Variants in TEX15 observed in about 807,000 individuals in gnomAD.
TEX15 encodes the protein testis expressed 15, meiosis and synapsis associated.
Under a neutral mutation model 237.3 loss-of-function variants are expected in TEX15, and 171 were observed. The observed-to-expected ratio is 0.72, with a 90% confidence interval of 0.64 to 0.82. The LOEUF (loss-of-function observed/expected upper bound fraction) is 0.82, where lower values mean the gene tolerates loss of function less well. Among genes scored for constraint, TEX15 ranks in the 40% least tolerant of loss-of-function variants. The probability of loss-of-function intolerance (pLI) is 0.00; values close to 1 mark genes in which losing one functional copy is unlikely to be tolerated. For synonymous variants in TEX15, 1,338 were observed against 1,269.8 expected, an observed-to-expected ratio of 1.05 and a Z score of -1.14; for missense variants, 3,750 against 3,646.5, an observed-to-expected ratio of 1.03 and a Z score of -0.73.
chr8:30,837,775 A>G lies in TEX15; in HGVS notation c.8509T>C (p.Cys2837Arg). Residue 2837 changes from cysteine to arginine, a missense_variant, in exon 10 of 11, where the codon TGT becomes CGT. Cys to Arg is a radical substitution (Grantham distance 180, BLOSUM62 -3). Coordinates refer to ENST00000643185, the MANE Select transcript of TEX15 (RefSeq NM_001350162.2). ...TGGTCACAAATTGCAAAAGCAGCACAATCTTTCTTATCACTTTTTGTTTCA... is the reference window on the plus strand; with the variant it reads ...TGGTCACAAATTGCAAAAGCAGCACGATCTTTCTTATCACTTTTTGTTTCA... ...AAETKSDKKDCAAFAICDQKS... is the reference protein window; with the variant it reads ...AAETKSDKKDRAAFAICDQKS... 1 of 1,614,198 alleles carries G rather than the reference A, an allele frequency of 6.2e-7. No homozygotes were observed.
rs1338653477 is a variant in TEX15, at chr8:30,832,597, ACATT to A, written c.*685_*688del. ...ATAAAGACTAACTGCATAAGCATAA[ACATT>A]ATTCTCTATTATTTGCTAGAAAATC... On this transcript the variant is annotated 3_prime_UTR_variant, in exon 11 of 11. Transcript: ENST00000643185. 1 of 152,242 alleles carries A rather than the reference ACATT, an allele frequency of 6.6e-6. No individual in the cohort carries two copies. Among genetic ancestry groups the A allele is most frequent in the Non-Finnish European group, 1.5e-5 (1 of 68,034 alleles). The allele number at this position is 152,242 out of a possible 1,614,324, so 9.4% of individuals were successfully genotyped here.
At chr8:30,880,438 G>A (rs938039076) in intron 3 of TEX15, among the ~76,000 whole-genome samples, 3 of 152,122 alleles carry the variant, frequency 2.0e-5, no homozygotes, top group African/African-American at 7.2e-5. Context: ...TGAACAGTGG[G>A]ACAACTTATA....
chr8:30,878,318 TTTTG>T (rs909236121), intron 3 of TEX15, among the ~76,000 whole-genome samples: 2 of 152,110 alleles, frequency 1.3e-5, no homozygotes, highest in African/African-American at 4.8e-5. Context: ...GAACATCATT[TTTTG>T]TTTGCCAGAG....
intron 2 of TEX15, among the ~76,000 whole-genome samples, chr8:30,890,369 G>A (rs1440863022): frequency 6.6e-6 from 1 of 152,076 alleles, no homozygotes; most frequent in African/African-American, 2.4e-5. Flanking sequence ...GTTATTATTA[G>A]GAGGAAATTA....
At chr8:30,888,423 C>T (rs1008140269) in intron 2 of TEX15, among the ~76,000 whole-genome samples, 1 of 152,074 alleles carries the variant, frequency 6.6e-6, no homozygotes, top group Non-Finnish European at 1.5e-5. Context: ...ATGCTTAAGA[C>T]AACATCAAAT....
At chr8:30,860,767 C>G (rs970216402) in intron 5 of TEX15, among the ~76,000 whole-genome samples, 1 of 151,818 alleles carries the variant, frequency 6.6e-6, no homozygotes, top group Non-Finnish European at 1.5e-5. Flanking sequence ...CCAGGCTGGG[C>G]TCGAATTCCT....
Position 30,848,357 on chromosome 8 carries a change from GA to G in TEX15, c.1809del (p.Pro604HisfsTer6). On this transcript the variant is annotated frameshift_variant, in exon 8 of 11. Transcript: ENST00000643185. LOFTEE classifies it high-confidence loss of function. ...YQTGCQTSTV[F>X]PLKKKVSIDE... ...TCAATGCTTACTTTCTTTTTGAGTGGAAAAACTGTAGACGTTTGGCAACCAG... is the reference window on the plus strand; with the variant it reads ...TCAATGCTTACTTTCTTTTTGAGTGGAAAACTGTAGACGTTTGGCAACCAG... The G allele has an allele frequency of 6.2e-7, 1 of 1,613,998 alleles. No individual in the cohort carries two copies. Among genetic ancestry groups the G allele is most frequent in the Non-Finnish European group, 8.5e-7 (1 of 1,179,986 alleles).
rs1433541985 is a variant in TEX15, at chr8:30,832,808, T to C, written c.*478A>G. The C allele has an allele frequency of 6.6e-6, 1 of 152,324 alleles. No individual in the cohort carries two copies. Among genetic ancestry groups the C allele is most frequent in the Non-Finnish European group, 1.5e-5 (1 of 68,094 alleles). 9.4% of individuals were successfully genotyped at this position (152,324 alleles called of 1,614,324 possible). A position where few individuals can be genotyped will look rare whatever the true frequency, so the allele number is the denominator to read the frequency against. ...CTGAGATTATGCAAACCAATTTTTCTTATTAAAAATATTTTACAAGTAGAA... is the reference window on the plus strand; with the variant it reads ...CTGAGATTATGCAAACCAATTTTTCCTATTAAAAATATTTTACAAGTAGAA... On this transcript the variant is annotated 3_prime_UTR_variant, in exon 11 of 11. Transcript: ENST00000643185.
chr8:30,866,815 A>G (rs1808179875), intron 5 of TEX15, among the ~76,000 whole-genome samples: 2 of 152,006 alleles, frequency 1.3e-5, no homozygotes, highest in African/African-American at 4.8e-5. Context: ...CATCTTACAT[A>G]ACCATAGCAA....
chr8:30,898,462 T>C lies in TEX15; in HGVS notation c.-10+280A>G, dbSNP rs183854777. ...TCTGCCAGCACCTTGATCTTGGACT[T>C]CTCTGCTTCCAGAACTGTGAAAAAT... On this transcript the variant is annotated intron_variant, in intron 2 of 10. Transcript: ENST00000643185. Among the ~76,000 whole-genome samples the C allele has an allele frequency of 2.2e-3, 335 of 152,302 alleles. 4 individuals are homozygous for C. The highest frequency in any genetic ancestry group is 0.02 in the Admixed American group (309 of 15,292).
At chr8:30,897,086 T>G (rs929269214) in intron 2 of TEX15, among the ~76,000 whole-genome samples, 4 of 152,202 alleles carry the variant, frequency 2.6e-5, no homozygotes, top group Non-Finnish European at 4.4e-5. Context: ...CAAAATCGGG[T>G]TGAAAAAAAT....
At chr8:30,868,275 A>G (rs2128771959) in intron 4 of TEX15, among the ~76,000 whole-genome samples, 1 of 152,170 alleles carries the variant, frequency 6.6e-6, no homozygotes, top group Non-Finnish European at 1.5e-5. Flanking sequence ...AACATATAAA[A>G]TATATATCCC....
At chr8:30,867,581 C>T in intron 4 of TEX15, 79 bp from the exon 5 acceptor site, 1 of 805,610 alleles carries the variant, frequency 1.2e-6, no homozygotes, top group East Asian at 2.7e-5. Context: ...TTCCACTTAC[C>T]ACAGTTAGAA....
chr8:30,882,471 A>G (rs1808551749), intron 3 of TEX15, among the ~76,000 whole-genome samples: 2 of 152,166 alleles, frequency 1.3e-5, no homozygotes, highest in Non-Finnish European at 1.5e-5. Flanking sequence ...TATTTTTAGT[A>G]GAGACAGGGT....
chr8:30,904,446 C>CAAA (rs200542503), intron 1 of TEX15, among the ~76,000 whole-genome samples: 1 of 102,030 alleles, frequency 9.8e-6, no homozygotes, highest in African/African-American at 3.5e-5. Flanking sequence ...GACTCCGTCT[C>CAAA]AAAAAAAAAA....
chr8:30,837,991 G>A lies in TEX15; in HGVS notation c.8293C>T (p.His2765Tyr). ...ATTTCAACCTTTTTTGGCGTTAAAT[G>A]ATTTCTTTTCAGACTGTCACATGAA... is the stretch of plus-strand genomic sequence containing the variant. ...PSSCDSLKRN[H>Y]LTPKKVEMQR... is the part of the protein sequence containing the mutation. Residue 2765 changes from histidine to tyrosine, a missense_variant, in exon 10 of 11, where the codon CAT becomes TAT. By Grantham distance (83) the His-to-Tyr change is moderately conservative. Transcript: ENST00000643185. 6.2e-7 allele frequency: 1 copy of A among 1,614,004 alleles called. No homozygotes were observed. Among genetic ancestry groups the A allele is most frequent in the Non-Finnish European group, 8.5e-7 (1 of 1,179,964 alleles).
intron 4 of TEX15, among the ~76,000 whole-genome samples, chr8:30,869,256 G>C (rs759288189): frequency 1.3e-5 from 2 of 151,872 alleles, no homozygotes; most frequent in Non-Finnish European, 2.9e-5. Flanking sequence ...TTCCATTTCA[G>C]AAACAATAGG....
intron 3 of TEX15, among the ~76,000 whole-genome samples, chr8:30,883,039 G>A (rs1808563451): frequency 6.6e-6 from 1 of 152,058 alleles, no homozygotes; most frequent in Non-Finnish European, 1.5e-5. Flanking sequence ...CCAAAGTGCT[G>A]GGATTACAGG....
chr8:30,832,133 C>T lies in TEX15; in HGVS notation c.*1153G>A, dbSNP rs1355284035. 2.0e-5 allele frequency: 3 copies of T among 152,194 alleles called. No individual in the cohort carries two copies. Among genetic ancestry groups the T allele is most frequent in the Admixed American group, 2.0e-4 (3 of 15,270 alleles). The allele number at this position is 152,194 out of a possible 1,614,324, so 9.4% of individuals were successfully genotyped here. On this transcript the variant is annotated 3_prime_UTR_variant, in exon 11 of 11. Transcript: ENST00000643185. The stretch of plus-strand genomic sequence containing the variant: ...AAGAGGCTTATCCTGGGGATTCTCA[C>T]TGTCTTTCTAAATTGAAAAATTAGT...
Sources: allele counts gnomAD v4.1 joint callset (sites outside exome capture counted in the v4.1 genomes callset), GRCh38; gene constraint gnomAD v4.1.1; transcripts MANE v1.5; gene names NCBI Gene and HGNC (gene_info 2026-07-23, HGNC 2026-07-21).